MAGI2: variants seen among roughly 807,000 people sequenced by gnomAD.
MAGI2 encodes membrane-associated guanylate kinase, WW and PDZ domain-containing protein 2.
A neutral mutation model predicts 133.3 loss-of-function variants in MAGI2; 35 were observed. That is an observed-to-expected ratio of 0.26 (90% CI 0.20 to 0.35). The LOEUF is 0.35. Among genes scored for constraint, MAGI2 ranks in the 10% least tolerant of loss-of-function variants. The probability of loss-of-function intolerance (pLI) is 1.00; values close to 1 mark genes in which losing one functional copy is unlikely to be tolerated. For missense variants in MAGI2, 1,636 were observed against 1,863.4 expected (o/e 0.88, Z 2.25); for synonymous variants, 729 against 710.6 (o/e 1.03, Z -0.41).
intron 9 of MAGI2, among the ~76,000 whole-genome samples, chr7:78,332,697 C>CAAAA (rs35777998): frequency 2.6e-5 from 3 of 117,330 alleles, no homozygotes; most frequent in Admixed American, 8.6e-5. Context: ...GACTCCGTCT[C>CAAAA]AAAAAAAAAA....
chr7:78,849,630 C>T (rs1347895299), intron 2 of MAGI2, among the ~76,000 whole-genome samples: 3 of 152,008 alleles, frequency 2.0e-5, no homozygotes, highest in Non-Finnish European at 2.9e-5. Context: ...TTAAATGCTG[C>T]TGTGCAAGAG....
chr7:79,134,830 T>G (rs1821232141), intron 1 of MAGI2, among the ~76,000 whole-genome samples: 1 of 152,166 alleles, frequency 6.6e-6, no homozygotes, highest in African/African-American at 2.4e-5. Flanking sequence ...CATAAAATAA[T>G]TGGCATTTTC....
At chr7:78,903,099 T>G (rs1797725886) in intron 2 of MAGI2, among the ~76,000 whole-genome samples, 2 of 147,438 alleles carry the variant, frequency 1.4e-5, no homozygotes, top group Non-Finnish European at 1.5e-5. Context: ...CAAAATTTTC[T>G]AAAACATATG....
intron 14 of MAGI2, among the ~76,000 whole-genome samples, chr7:78,176,011 T>C (rs1584268898): frequency 6.6e-6 from 1 of 152,254 alleles, no homozygotes; most frequent in South Asian, 2.1e-4. Context: ...ATGTTTTCAG[T>C]TCTCTCTATT....
At chr7:78,616,897 T>G (rs1236183521) in intron 3 of MAGI2, 1 of 152,202 alleles carries the variant, frequency 6.6e-6, no homozygotes, top group Non-Finnish European at 1.5e-5. Flanking sequence ...CCAGTGATTA[T>G]TCTAAGTTTG....
intron 2 of MAGI2, among the ~76,000 whole-genome samples, chr7:78,747,492 G>C (rs1166512803): frequency 6.6e-6 from 1 of 151,922 alleles, no homozygotes; most frequent in South Asian, 2.1e-4. Flanking sequence ...TTAACAAGAG[G>C]TTACCAATTG....
At chr7:78,183,261 TTTTTGTA>T (rs1254275198) in intron 13 of MAGI2, among the ~76,000 whole-genome samples, 12 of 146,932 alleles carry the variant, frequency 8.2e-5, no homozygotes, top group Non-Finnish European at 1.7e-4. Flanking sequence ...TATTTTTGTA[TTTTTGTA>T]TTTTTTTTTT....
At chr7:79,289,025 G>A (rs563323986) in intron 1 of MAGI2, among the ~76,000 whole-genome samples, 6 of 152,084 alleles carry the variant, frequency 3.9e-5, no homozygotes, top group East Asian at 1.9e-4. Flanking sequence ...CAAATTTACC[G>A]ACCCCTGGCA....
intron 2 of MAGI2, among the ~76,000 whole-genome samples, chr7:78,954,353 A>G (rs1802123477): frequency 1.3e-5 from 2 of 151,984 alleles, no homozygotes; most frequent in African/African-American, 2.4e-5. Flanking sequence ...TCCTCTGAAG[A>G]TAAGAATTTT....
chr7:78,676,765 A>T (rs1226025877), intron 2 of MAGI2, among the ~76,000 whole-genome samples: 4 of 152,094 alleles, frequency 2.6e-5, no homozygotes, highest in African/African-American at 9.7e-5. Context: ...TTCTGTGATG[A>T]ACGTGGATAT....
At chr7:78,834,886 C>T (rs1584083919) in intron 2 of MAGI2, among the ~76,000 whole-genome samples, 2 of 152,108 alleles carry the variant, frequency 1.3e-5, no homozygotes, top group South Asian at 4.1e-4. Context: ...CCCCTTGCTC[C>T]TGCTTTCACC....
At chr7:78,212,102 T>C (rs1044141577) in intron 10 of MAGI2, among the ~76,000 whole-genome samples, 11 of 152,236 alleles carry the variant, frequency 7.2e-5, no homozygotes, top group Admixed American at 7.2e-4. Flanking sequence ...ACTTAACTAG[T>C]TTTAGTGCTT....
At chr7:78,057,602 C>A (rs1216318101) in intron 21 of MAGI2, among the ~76,000 whole-genome samples, 2 of 152,072 alleles carry the variant, frequency 1.3e-5, no homozygotes, top group African/African-American at 4.8e-5. Context: ...CTGGTGATAT[C>A]AAACCTCTTT....
intron 1 of MAGI2, among the ~76,000 whole-genome samples, chr7:79,420,378 C>A (rs1213468197): frequency 5.3e-5 from 8 of 152,068 alleles, no homozygotes; most frequent in African/African-American, 1.9e-4. Flanking sequence ...CAAAGTGATG[C>A]CCCCAATTCA....
At chr7:78,688,633 A>G (rs1816634121) in intron 2 of MAGI2, among the ~76,000 whole-genome samples, 1 of 152,240 alleles carries the variant, frequency 6.6e-6, no homozygotes. Context: ...TGTACAATGA[A>G]AAGCATGAAC....
chr7:79,189,012 T>A lies in MAGI2; in HGVS notation c.302-181806A>T, dbSNP rs186349034. ...TTTATGTGTATGCACAAAATACATTTAATCAATTCCCTCTTTTGGACTTTT... is the reference window on the plus strand; with the variant it reads ...TTTATGTGTATGCACAAAATACATTAAATCAATTCCCTCTTTTGGACTTTT... On this transcript the variant is annotated intron_variant, in intron 1 of 21. Transcript: ENST00000354212. 1.8e-4 allele frequency among the ~76,000 whole-genome samples: 27 copies of A among 152,042 alleles called. 1 individual carries two copies. The East Asian group carries it at 5.0e-3, about 28-fold the overall frequency.
intron 1 of MAGI2, among the ~76,000 whole-genome samples, chr7:79,084,401 G>A (rs1816304621): frequency 1.3e-5 from 2 of 151,394 alleles, no homozygotes. Flanking sequence ...TTTCTTTTTT[G>A]ACTCACTAAT....
chr7:79,276,143 T>C (rs1002505323), intron 1 of MAGI2, among the ~76,000 whole-genome samples: 6 of 152,162 alleles, frequency 3.9e-5, no homozygotes, highest in Admixed American at 1.3e-4. Flanking sequence ...TTCTGGTGGA[T>C]CTGGGCAAAG....
At chr7:78,991,675 A>G (rs1030581669) in intron 2 of MAGI2, among the ~76,000 whole-genome samples, 2 of 151,722 alleles carry the variant, frequency 1.3e-5, no homozygotes, top group Non-Finnish European at 2.9e-5. Flanking sequence ...TTGGGAACAC[A>G]GGTAAGGATG....
Sources: allele counts gnomAD v4.1 joint callset (sites outside exome capture counted in the v4.1 genomes callset), GRCh38; gene constraint gnomAD v4.1.1; transcripts MANE v1.5; gene names NCBI Gene and HGNC (gene_info 2026-07-23, HGNC 2026-07-21).